The following PROM1 variants were observed in gnomAD, a reference collection of about 807,000 sequenced individuals.
PROM1 encodes prominin 1, also known as prominin-1.
Under a neutral mutation model 116.9 loss-of-function variants are expected in PROM1, and 105 were observed. That is an observed-to-expected ratio of 0.90 (90% CI 0.77 to 1.06). PROM1 has a LOEUF of 1.06. PROM1 is among the 50% of genes least tolerant of loss of function. PROM1 has a pLI of 0.00. For missense variants in PROM1, 1,122 were observed against 1,045.2 expected, an observed-to-expected ratio of 1.07 and a Z score of -1.01; for synonymous variants, 393 against 387.0, an observed-to-expected ratio of 1.02 and a Z score of -0.18.
At chr4:16,069,675 A>G (rs1049214649) in intron 2 of PROM1, among the ~76,000 whole-genome samples, 3 of 152,206 alleles carry the variant, frequency 2.0e-5, no homozygotes, top group African/African-American at 7.2e-5. Context: ...GTAAGAAATA[A>G]TATCACCACT....
intron 2 of PROM1, among the ~76,000 whole-genome samples, chr4:16,067,141 T>C (rs929717444): frequency 1.3e-5 from 2 of 152,134 alleles, no homozygotes; most frequent in Non-Finnish European, 2.9e-5. Flanking sequence ...ATGAAATCTA[T>C]ACAACAGATC....
At chr4:16,057,850 G>A (rs1332756544) in intron 2 of PROM1, among the ~76,000 whole-genome samples, 1 of 152,188 alleles carries the variant, frequency 6.6e-6, no homozygotes, top group African/African-American at 2.4e-5. Context: ...GAGCTCCATA[G>A]AGTCAGATGC....
chr4:16,078,678 G>T (rs1412015855), intron 1 of PROM1, among the ~76,000 whole-genome samples: 4 of 152,184 alleles, frequency 2.6e-5, no homozygotes, highest in Non-Finnish European at 4.4e-5. Flanking sequence ...AACACATACT[G>T]TAAGAAAGGG....
chr4:16,019,404 C>T (rs1354870659), intron 8 of PROM1, among the ~76,000 whole-genome samples: 14 of 152,226 alleles, frequency 9.2e-5, no homozygotes, highest in Non-Finnish European at 1.5e-5. Context: ...TCTCAGTCAG[C>T]CATGCAATCA....
intron 2 of PROM1, among the ~76,000 whole-genome samples, chr4:16,065,950 C>A (rs1179648502): frequency 1.3e-5 from 2 of 152,078 alleles, no homozygotes; most frequent in African/African-American, 4.8e-5. Flanking sequence ...GCCAGGTGTC[C>A]TTAGAAAGGA....
chr4:16,030,302 A>G (rs1009646318), intron 5 of PROM1, among the ~76,000 whole-genome samples: 1 of 152,240 alleles, frequency 6.6e-6, no homozygotes, highest in African/African-American at 2.4e-5. Flanking sequence ...TAATTTATAC[A>G]TAAATTCAAT....
Position 16,024,530 on chromosome 4 carries a change from C to T in PROM1, c.631-172G>A, listed in dbSNP as rs571512257. On this transcript the variant is annotated intron_variant, in intron 6 of 27. Transcript: ENST00000447510. ...CAAGTTGGAACCCATGAGCATCACA[C>T]ATTTAGGCTGCTTCCTGCCCAGACA... is the stretch of plus-strand genomic sequence containing the variant. 3.3e-5 allele frequency among the ~76,000 whole-genome samples: 5 copies of T among 152,320 alleles called. No homozygotes were observed. In the South Asian group the frequency reaches 1.0e-3, roughly 32 times the overall value.
intron 4 of PROM1, 77 bp from the exon 5 acceptor site, chr4:16,033,586 CTTTTTT>C: frequency 1.0e-4 from 28 of 270,238 alleles, no homozygotes; most frequent in East Asian, 1.7e-4. Flanking sequence ...GTACAAAGTT[CTTTTTT>C]TTTTTTTTTT....
At chr4:15,987,571 C>G in intron 20 of PROM1, 92 bp downstream of exon 20, 1 of 1,287,690 alleles carries the variant, frequency 7.8e-7, no homozygotes, top group Non-Finnish European at 1.1e-6. Flanking sequence ...TTTTTTTCAA[C>G]TTAAAGTACC....
intron 16 of PROM1, 143 bp downstream of exon 16, chr4:15,993,844 G>C: frequency 7.1e-7 from 1 of 1,418,014 alleles, no homozygotes. Context: ...AGGTTACACA[G>C]CCATGTAAAT....
At chr4:15,980,363 T>C (rs1360438391) in intron 24 of PROM1, 59 bp downstream of exon 24, 4 of 1,205,448 alleles carry the variant, frequency 3.3e-6, no homozygotes, top group Admixed American at 2.2e-5. Context: ...TTAGCAACTC[T>C]TTGAAGACAG....
chr4:16,015,241 G>A (rs972167295), intron 10 of PROM1, among the ~76,000 whole-genome samples: 1 of 148,314 alleles, frequency 6.7e-6, no homozygotes, highest in Non-Finnish European at 1.5e-5. Flanking sequence ...AGCTACTCAG[G>A]AGGCTGAGGC....
chr4:16,061,338 T>C (rs1462309898), intron 2 of PROM1, among the ~76,000 whole-genome samples: 1 of 152,268 alleles, frequency 6.6e-6, no homozygotes, highest in Non-Finnish European at 1.5e-5. Flanking sequence ...TCTAGAATAC[T>C]ATGTGATCTA....
chr4:16,068,315 T>C (rs1322019829), intron 2 of PROM1, among the ~76,000 whole-genome samples: 1 of 152,178 alleles, frequency 6.6e-6, no homozygotes, highest in Non-Finnish European at 1.5e-5. Flanking sequence ...CATGCTAAAG[T>C]TCCACGTTAC....
chr4:16,032,912 A>C (rs1160537215), intron 5 of PROM1, among the ~76,000 whole-genome samples: 1 of 152,128 alleles, frequency 6.6e-6, no homozygotes, highest in East Asian at 1.9e-4. Context: ...ATTCCTTTGG[A>C]CTCAACTAGC....
intron 2 of PROM1, among the ~76,000 whole-genome samples, chr4:16,054,579 TA>T (rs1738575904): frequency 6.6e-6 from 1 of 152,210 alleles, no homozygotes; most frequent in African/African-American, 2.4e-5. Flanking sequence ...GCAAATTATT[TA>T]AATTCCCTGG....
At chr4:15,996,586 T>C (rs1286363703) in intron 15 of PROM1, among the ~76,000 whole-genome samples, 1 of 152,196 alleles carries the variant, frequency 6.6e-6, no homozygotes, top group Non-Finnish European at 1.5e-5. Flanking sequence ...AAATAACTTC[T>C]GTGGTTTGGC....
At chr4:15,975,596 A>T (rs1715908076) in intron 26 of PROM1, among the ~76,000 whole-genome samples, 1 of 152,266 alleles carries the variant, frequency 6.6e-6, no homozygotes, top group Admixed American at 6.5e-5. Flanking sequence ...TTCCACAATG[A>T]CACATGGAGG....
At chr4:16,003,109 T>C (rs912613660) in intron 13 of PROM1, among the ~76,000 whole-genome samples, 4 of 152,196 alleles carry the variant, frequency 2.6e-5, no homozygotes, top group Non-Finnish European at 5.9e-5. Flanking sequence ...ACATGCATCA[T>C]TTTCTGACCC....
Sources: gnomAD v4.1 joint callset for allele counts (sites outside exome capture counted in the v4.1 genomes callset) on GRCh38, gnomAD v4.1.1 for gene constraint, MANE v1.5 for transcripts, NCBI Gene and HGNC (gene_info 2026-07-23, HGNC 2026-07-21) for gene names.